RANBP17: variants seen among roughly 807,000 people sequenced by gnomAD.
RANBP17 encodes the protein RAN binding protein 17, also known as ran-binding protein 17.
RANBP17 carries 158 observed loss-of-function variants against 141.2 expected under a neutral mutation model. The ratio of observed to expected loss-of-function variants is 1.12; its 90% CI spans 0.98 to 1.28. RANBP17 has a LOEUF of 1.28. Among genes scored for constraint, RANBP17 ranks in the 50% most tolerant of loss-of-function variants. The pLI is 0.00. For synonymous variants in RANBP17, 430 were observed against 450.0 expected, an observed-to-expected ratio of 0.96 and a Z score of 0.56; for missense variants, 1,438 against 1,290.7, an observed-to-expected ratio of 1.11 and a Z score of -1.75.
rs187825391 is a variant in RANBP17, at chr5:170,986,861, A to G, written c.1710+18484A>G. 2.6e-5 allele frequency among the ~76,000 whole-genome samples: 4 copies of G among 152,058 alleles called. No individual in the cohort carries two copies. The East Asian group carries it at 7.7e-4, about 29-fold the overall frequency. On this transcript the variant is annotated intron_variant, in intron 14 of 27. Transcript: ENST00000523189. ...AATAACAGTTACTGTTAAATTGAGT[A>G]GGAAAACACTTGAATAAGGAAATAG...
At chr5:171,031,461 T>C (rs1240902906) in intron 14 of RANBP17, among the ~76,000 whole-genome samples, 1 of 152,014 alleles carries the variant, frequency 6.6e-6, no homozygotes, top group African/African-American at 2.4e-5. Context: ...AAGTAAAATA[T>C]GTTGTGTTTG....
intron 12 of RANBP17, among the ~76,000 whole-genome samples, chr5:170,950,566 A>C (rs1273419054): frequency 1.3e-5 from 2 of 152,150 alleles, no homozygotes; most frequent in Admixed American, 1.3e-4. Context: ...AATGATTATT[A>C]TTAAACAGAA....
intron 14 of RANBP17, among the ~76,000 whole-genome samples, chr5:171,033,810 A>G (rs545934676): frequency 6.6e-6 from 1 of 152,124 alleles, no homozygotes; most frequent in African/African-American, 2.4e-5. Context: ...GACTTTGGAG[A>G]TAAGATTGCA....
chr5:171,191,923 A>T (rs1293817202), intron 18 of RANBP17, among the ~76,000 whole-genome samples: 1 of 152,216 alleles, frequency 6.6e-6, no homozygotes, highest in Non-Finnish European at 1.5e-5. Flanking sequence ...GAAAATGAGA[A>T]ATGATTACTT....
At chr5:171,172,926 A>T (rs1313895344) in intron 16 of RANBP17, among the ~76,000 whole-genome samples, 1 of 151,410 alleles carries the variant, frequency 6.6e-6, no homozygotes, top group South Asian at 2.1e-4. Flanking sequence ...AAAGTGAATT[A>T]AAAAATCATA....
intron 12 of RANBP17, among the ~76,000 whole-genome samples, chr5:170,935,836 G>A (rs11951399): frequency 6.6e-6 from 1 of 152,120 alleles, no homozygotes; most frequent in Admixed American, 6.5e-5. Flanking sequence ...AGACAGGGAC[G>A]TTTAAGTCTG....
At chr5:171,229,896 T>G (rs1764104861) in intron 22 of RANBP17, among the ~76,000 whole-genome samples, 1 of 150,302 alleles carries the variant, frequency 6.7e-6, no homozygotes. Flanking sequence ...AGAAACCCCA[T>G]CTCTACTAAA....
At chr5:171,255,659 A>G (rs975403375) in intron 24 of RANBP17, among the ~76,000 whole-genome samples, 3 of 152,178 alleles carry the variant, frequency 2.0e-5, no homozygotes, top group Non-Finnish European at 4.4e-5. Flanking sequence ...AATTCAATAT[A>G]CTTTTAAAAC....
Position 170,945,247 on chromosome 5 carries a change from G to T in RANBP17, c.1469-8350G>T, listed in dbSNP as rs138390115. Among the ~76,000 whole-genome samples, 36 of 152,216 alleles carry T rather than the reference G, an allele frequency of 2.4e-4. No homozygotes were observed. In the East Asian group the frequency reaches 5.2e-3, roughly 22 times the overall value. On this transcript the variant is annotated intron_variant, in intron 12 of 27. Coordinates refer to ENST00000523189, the MANE Select transcript of RANBP17 (RefSeq NM_022897.5). ...ATAAGCCTCTTTGGTAGAGAGGAAA[G>T]AACTTAAAAATTCTTATTGTGTGAC...
intron 18 of RANBP17, among the ~76,000 whole-genome samples, chr5:171,188,219 A>G (rs550273966): frequency 6.6e-6 from 1 of 152,354 alleles, no homozygotes; most frequent in East Asian, 1.9e-4. Flanking sequence ...AAAGAGAACT[A>G]TCTATAAATA....
intron 14 of RANBP17, among the ~76,000 whole-genome samples, chr5:171,030,512 T>C (rs1328160236): frequency 6.6e-6 from 1 of 152,074 alleles, no homozygotes; most frequent in Non-Finnish European, 1.5e-5. Flanking sequence ...AGAAAAGCCA[T>C]TTATTTAATT....
intron 25 of RANBP17, among the ~76,000 whole-genome samples, chr5:171,266,523 C>G (rs796861322): frequency 2.6e-5 from 4 of 152,246 alleles, no homozygotes; most frequent in African/African-American, 9.6e-5. Flanking sequence ...GGTGCAGTAC[C>G]TGTAGTACCA....
intron 19 of RANBP17, among the ~76,000 whole-genome samples, chr5:171,203,642 T>G (rs1762422805): frequency 6.6e-6 from 1 of 152,176 alleles, no homozygotes; most frequent in African/African-American, 2.4e-5. Flanking sequence ...ACCACTTCTA[T>G]TAATTTGATA....
intron 12 of RANBP17, among the ~76,000 whole-genome samples, chr5:170,938,795 A>G (rs1774092425): frequency 6.6e-6 from 1 of 152,152 alleles, no homozygotes; most frequent in Admixed American, 6.5e-5. Flanking sequence ...AAAATATTAA[A>G]AGAGACGTTA....
chr5:171,242,704 C>G lies in RANBP17; in HGVS notation c.2660C>G (p.Ser887Cys). 1 of 1,613,700 alleles carries G rather than the reference C, an allele frequency of 6.2e-7. No homozygotes were observed. The highest frequency in any genetic ancestry group is 8.5e-7 in the Non-Finnish European group (1 of 1,179,870). ...TAGCAATACCGGAAACTGAGCCAGT[C>G]TTATTATCCACTCCTGGAATGTCTC... is the stretch of plus-strand genomic sequence containing the variant. ...DLLQYRKLSQ[S>C]YYPLLECLTQ... The change falls in exon 24 of 28, where the codon TCT becomes TGT. Residue 887 changes from serine to cysteine, a missense_variant. By Grantham distance (112) the Ser-to-Cys change is moderately radical. Coordinates refer to ENST00000523189, the MANE Select transcript of RANBP17 (RefSeq NM_022897.5).
intron 22 of RANBP17, among the ~76,000 whole-genome samples, chr5:171,236,788 CTG>C (rs1402732134): frequency 1.3e-5 from 2 of 152,156 alleles, no homozygotes; most frequent in African/African-American, 4.8e-5. Flanking sequence ...GATGAGGAAA[CTG>C]TGAAGTACAC....
chr5:171,187,066 C>T (rs1455030994), intron 18 of RANBP17, among the ~76,000 whole-genome samples: 2 of 152,040 alleles, frequency 1.3e-5, no homozygotes, highest in African/African-American at 4.8e-5. Context: ...CTTCCTTTCA[C>T]GTGAATACTT....
At chr5:171,049,698 G>T (rs1233301285) in intron 14 of RANBP17, among the ~76,000 whole-genome samples, 1 of 152,110 alleles carries the variant, frequency 6.6e-6, no homozygotes, top group Non-Finnish European at 1.5e-5. Flanking sequence ...ACTAGCTAGT[G>T]ATCCCAACAC....
chr5:171,170,085 A>G (rs1333129909), intron 14 of RANBP17, 45 bp from the exon 15 acceptor site: 2 of 1,026,624 alleles, frequency 1.9e-6, no homozygotes, highest in South Asian at 1.8e-5. Flanking sequence ...TTTTGAAAAT[A>G]TATGTTAATA....
Sources: allele counts gnomAD v4.1 joint callset (sites outside exome capture counted in the v4.1 genomes callset), GRCh38; gene constraint gnomAD v4.1.1; transcripts MANE v1.5; gene names NCBI Gene and HGNC (gene_info 2026-07-23, HGNC 2026-07-21).